The following CDH12 variants were observed in gnomAD, a reference collection of about 807,000 sequenced individuals.
CDH12 encodes cadherin-12.
A neutral mutation model predicts 74.1 loss-of-function variants in CDH12; 41 were observed. That is an observed-to-expected ratio of 0.55 (90% CI 0.43 to 0.72). CDH12 has a LOEUF of 0.72. Among genes scored for constraint, CDH12 ranks in the 30% least tolerant of loss-of-function variants. CDH12 has a pLI of 0.00. For missense variants in CDH12, 945 were observed against 977.2 expected (o/e 0.97, Z 0.44); for synonymous variants, 399 against 355.0 (o/e 1.12, Z -1.39).
chr5:22,276,522 C>T (rs1041626764), intron 3 of CDH12, among the ~76,000 whole-genome samples: 1 of 152,158 alleles, frequency 6.6e-6, no homozygotes, highest in African/African-American at 2.4e-5. Context: ...AGATTTATAA[C>T]TTGAAATGTA....
At chr5:22,663,367 C>T (rs556361013) in intron 1 of CDH12, among the ~76,000 whole-genome samples, 1 of 152,224 alleles carries the variant, frequency 6.6e-6, no homozygotes, top group African/African-American at 2.4e-5. Flanking sequence ...CTAGTTCTCA[C>T]AGCAATCAAA....
chr5:22,138,875 T>TATATATAC (rs1256794399), intron 4 of CDH12, among the ~76,000 whole-genome samples: 31 of 137,686 alleles, frequency 2.3e-4, no homozygotes, highest in African/African-American at 6.4e-4. Flanking sequence ...TATATATATA[T>TATATATAC]ACATGTTGGA....
At chr5:22,753,828 A>C (rs1018276460) in intron 1 of CDH12, among the ~76,000 whole-genome samples, 2 of 152,048 alleles carry the variant, frequency 1.3e-5, no homozygotes, top group African/African-American at 4.8e-5. Flanking sequence ...CTGTTTCCTT[A>C]GTTCTTAAAA....
At chr5:22,266,198 C>T (rs1339277464) in intron 3 of CDH12, among the ~76,000 whole-genome samples, 1 of 152,004 alleles carries the variant, frequency 6.6e-6, no homozygotes, top group Non-Finnish European at 1.5e-5. Context: ...GCCTCAGCCT[C>T]CCAAGTAGCT....
chr5:22,283,842 T>C (rs949666545), intron 3 of CDH12, among the ~76,000 whole-genome samples: 7 of 152,124 alleles, frequency 4.6e-5, no homozygotes, highest in Non-Finnish European at 7.4e-5. Flanking sequence ...CATTTCACAA[T>C]GTATGTGTAT....
At chr5:22,376,651 G>C (rs1462641995) in intron 3 of CDH12, among the ~76,000 whole-genome samples, 1 of 150,958 alleles carries the variant, frequency 6.6e-6, no homozygotes, top group African/African-American at 2.4e-5. Flanking sequence ...TGAATAGCTG[G>C]GACTACAGGC....
chr5:22,733,828 TTC>T (rs1286854757), intron 1 of CDH12, among the ~76,000 whole-genome samples: 1 of 151,982 alleles, frequency 6.6e-6, no homozygotes, highest in East Asian at 1.9e-4. Flanking sequence ...TTTTAGCCTC[TTC>T]TTTCTTCATT....
intron 3 of CDH12, among the ~76,000 whole-genome samples, chr5:22,262,111 A>C (rs978232333): frequency 4.0e-5 from 6 of 151,742 alleles, no homozygotes; most frequent in Non-Finnish European, 7.4e-5. Context: ...AATGTAATGC[A>C]TACACTATTT....
chr5:21,884,263 T>C, intron 6 of CDH12: 1 of 1,464,310 alleles, frequency 6.8e-7, no homozygotes, highest in South Asian at 1.1e-5. Context: ...GACCCTGGAA[T>C]GGGTGCAATG....
intron 1 of CDH12, among the ~76,000 whole-genome samples, chr5:22,623,474 T>C (rs974965777): frequency 1.3e-5 from 2 of 152,196 alleles, no homozygotes; most frequent in Admixed American, 6.5e-5. Context: ...AGTCTCAGGA[T>C]AGAAAATCAA....
intron 2 of CDH12, among the ~76,000 whole-genome samples, chr5:22,430,860 C>A (rs141578810): frequency 6.6e-6 from 1 of 152,058 alleles, no homozygotes; most frequent in East Asian, 1.9e-4. Flanking sequence ...CATTTCCAAT[C>A]TCTTGCAGGT....
intron 3 of CDH12, among the ~76,000 whole-genome samples, chr5:22,374,031 C>A (rs1156483619): frequency 6.6e-6 from 1 of 152,164 alleles, no homozygotes; most frequent in East Asian, 1.9e-4. Flanking sequence ...CGGCCCATAT[C>A]TCTGATGAAC....
chr5:22,346,905 A>C (rs1470479991), intron 3 of CDH12, among the ~76,000 whole-genome samples: 1 of 152,206 alleles, frequency 6.6e-6, no homozygotes, highest in East Asian at 1.9e-4. Flanking sequence ...GAAAAGAAAA[A>C]AACCTAGAAG....
chr5:22,782,602 C>T (rs945992460), intron 1 of CDH12, among the ~76,000 whole-genome samples: 1 of 152,064 alleles, frequency 6.6e-6, no homozygotes, highest in African/African-American at 2.4e-5. Flanking sequence ...AGTGTGAAAA[C>T]AGACTAATAG....
At chr5:22,373,103 C>T (rs949467308) in intron 3 of CDH12, among the ~76,000 whole-genome samples, 5 of 152,120 alleles carry the variant, frequency 3.3e-5, no homozygotes, top group African/African-American at 1.2e-4. Flanking sequence ...ACAAGGGCAC[C>T]TGAGGACAAG....
At chr5:22,494,719 G>A (rs970029910) in intron 2 of CDH12, among the ~76,000 whole-genome samples, 11 of 152,134 alleles carry the variant, frequency 7.2e-5, no homozygotes, top group Non-Finnish European at 1.6e-4. Flanking sequence ...TACCAGGTGG[G>A]GCAGTGGCTC....
At chr5:22,107,677 C>G (rs546946705) in intron 4 of CDH12, among the ~76,000 whole-genome samples, 1 of 151,846 alleles carries the variant, frequency 6.6e-6, no homozygotes, top group Admixed American at 6.6e-5. Context: ...ACCAAAAGTT[C>G]ATAATAAGAA....
chr5:21,977,842 A>T (rs1249421768), intron 5 of CDH12, among the ~76,000 whole-genome samples: 1 of 152,136 alleles, frequency 6.6e-6, no homozygotes, highest in African/African-American at 2.4e-5. Flanking sequence ...TGACTATAAA[A>T]CTCGTGAGAG....
chr5:22,196,800 A>G (rs1436771013), intron 4 of CDH12, among the ~76,000 whole-genome samples: 5 of 152,130 alleles, frequency 3.3e-5, no homozygotes, highest in Non-Finnish European at 5.9e-5. Context: ...GCTTTGGGAC[A>G]TCACTGTAGC....
Sources: gnomAD v4.1 joint callset for allele counts (sites outside exome capture counted in the v4.1 genomes callset) on GRCh38, gnomAD v4.1.1 for gene constraint, MANE v1.5 for transcripts, NCBI Gene and HGNC (gene_info 2026-07-23, HGNC 2026-07-21) for gene names.